SKAP1: variants seen among roughly 807,000 people sequenced by gnomAD.
The protein encoded by SKAP1 is src kinase-associated phosphoprotein 1.
A neutral mutation model predicts 58.5 loss-of-function variants in SKAP1; 44 were observed. The ratio of observed to expected loss-of-function variants is 0.75; its 90% CI spans 0.59 to 0.97. The LOEUF (loss-of-function observed/expected upper bound fraction) is 0.97. Ranked by LOEUF, SKAP1 falls within the 50% of genes least tolerant of loss-of-function variation. SKAP1 has a pLI of 0.00. For missense variants in SKAP1, 390 were observed against 435.2 expected (o/e 0.90, Z 0.92); for synonymous variants, 127 against 149.7 (o/e 0.85, Z 1.11).
At chr17:48,249,437 C>T (rs185376346) in intron 4 of SKAP1, among the ~76,000 whole-genome samples, 5 of 152,228 alleles carry the variant, frequency 3.3e-5, no homozygotes, top group Admixed American at 1.3e-4. Context: ...ACTTTGGGAG[C>T]TGAGGTGGGC....
intron 3 of SKAP1, among the ~76,000 whole-genome samples, chr17:48,352,967 T>C (rs2066821318): frequency 6.6e-6 from 1 of 152,220 alleles, no homozygotes; most frequent in Admixed American, 6.5e-5. Context: ...TTATGGTATA[T>C]ACTATCAATT....
At chr17:48,386,888 T>C (rs2067284768) in intron 2 of SKAP1, among the ~76,000 whole-genome samples, 1 of 152,240 alleles carries the variant, frequency 6.6e-6, no homozygotes, top group Admixed American at 6.5e-5. Context: ...GGCACCTAAA[T>C]ATTCAGTAGA....
intron 3 of SKAP1, among the ~76,000 whole-genome samples, chr17:48,346,815 C>T (rs116624640): frequency 0.012 from 1,875 of 152,076 alleles, 42 homozygotes; most frequent in African/African-American, 0.041. Flanking sequence ...ATAGAGAAAA[C>T]CTAGACTTTG....
chr17:48,233,430 G>A (rs1373437353), intron 4 of SKAP1, among the ~76,000 whole-genome samples: 2 of 151,842 alleles, frequency 1.3e-5, no homozygotes, highest in African/African-American at 4.8e-5. Context: ...TTTGGCAAAG[G>A]TTTGGTGATG....
intron 4 of SKAP1, among the ~76,000 whole-genome samples, chr17:48,340,494 A>C (rs1193773554): frequency 6.6e-6 from 1 of 152,194 alleles, no homozygotes; most frequent in Admixed American, 6.5e-5. Context: ...AAAGAGTAAG[A>C]GTGTAATCAA....
At chr17:48,349,443 C>T (rs1799244795) in intron 3 of SKAP1, among the ~76,000 whole-genome samples, 1 of 152,232 alleles carries the variant, frequency 6.6e-6, no homozygotes, top group African/African-American at 2.4e-5. Context: ...CCCACTGCAA[C>T]TCCCTCAGAA....
At chr17:48,325,992 T>C (rs911554612) in intron 4 of SKAP1, among the ~76,000 whole-genome samples, 1 of 152,242 alleles carries the variant, frequency 6.6e-6, no homozygotes, top group Non-Finnish European at 1.5e-5. Flanking sequence ...AAACACACTT[T>C]GTATTGTCAA....
chr17:48,444,429 G>C, the SKAP1 span, among the ~76,000 whole-genome samples: 1 of 152,280 alleles, frequency 6.6e-6, no homozygotes, highest in South Asian at 2.1e-4. Context: ...ATCAAAATGA[G>C]GAAAGTTAGC....
intron 4 of SKAP1, among the ~76,000 whole-genome samples, chr17:48,192,671 C>A (rs1184871924): frequency 6.6e-6 from 1 of 152,222 alleles, no homozygotes; most frequent in East Asian, 1.9e-4. Flanking sequence ...ATTGAATTAC[C>A]CAGGGGGGAG....
chr17:48,208,251 C>G (rs1471680421), intron 4 of SKAP1, among the ~76,000 whole-genome samples: 1 of 152,152 alleles, frequency 6.6e-6, no homozygotes, highest in Non-Finnish European at 1.5e-5. Context: ...AGGCTGTGCT[C>G]TCTTACCTCT....
chr17:48,174,985 G>A (rs564875373), intron 9 of SKAP1, among the ~76,000 whole-genome samples: 6 of 152,254 alleles, frequency 3.9e-5, no homozygotes, highest in African/African-American at 7.2e-5. Context: ...AGAGAACCAT[G>A]GGGCATCACA....
rs538411318 is a variant in SKAP1, at chr17:48,142,371, A to G, written c.979-5034T>C. Among the ~76,000 whole-genome samples, 6 of 152,296 alleles carry G rather than the reference A, an allele frequency of 3.9e-5. No homozygotes were observed. In the East Asian group the frequency reaches 9.6e-4, roughly 24 times the overall value. On this transcript the variant is annotated intron_variant, in intron 11 of 12. Transcript: ENST00000336915. ...CAGCTACTCGGGAAGCTGAGGCAGG[A>G]GAATTGCTTGAACCCGGGAGGCGGA...
At chr17:48,339,309 T>C (rs925410752) in intron 4 of SKAP1, among the ~76,000 whole-genome samples, 1 of 152,212 alleles carries the variant, frequency 6.6e-6, no homozygotes, top group Non-Finnish European at 1.5e-5. Context: ...CTTGAATATA[T>C]GTATGTATGC....
At chr17:48,226,674 T>C (rs1351737678) in intron 4 of SKAP1, among the ~76,000 whole-genome samples, 1 of 152,194 alleles carries the variant, frequency 6.6e-6, no homozygotes, top group African/African-American at 2.4e-5. Context: ...GCTAACAAGC[T>C]TACTGTGCAT....
intron 1 of SKAP1, among the ~76,000 whole-genome samples, chr17:48,421,386 C>T (rs1477698838): frequency 1.3e-5 from 2 of 151,114 alleles, no homozygotes; most frequent in Non-Finnish European, 2.9e-5. Context: ...TCACTGCAAC[C>T]TCTGCCTCCC....
intron 4 of SKAP1, among the ~76,000 whole-genome samples, chr17:48,243,581 C>G (rs2065264106): frequency 6.6e-6 from 1 of 152,072 alleles, no homozygotes; most frequent in Admixed American, 6.5e-5. Flanking sequence ...CTTAAAGTCC[C>G]TGATTTACAT....
At chr17:48,433,509 C>A (rs552904147), upstream of SKAP1, among the ~76,000 whole-genome samples, 139 of 152,286 alleles carry the variant, frequency 9.1e-4, 4 homozygotes, top group Non-Finnish European at 5.1e-4. Context: ...TTCCCGTCCC[C>A]CCCAGACCCA....
At chr17:48,186,002 C>A (rs1189628409) in intron 6 of SKAP1, 1 of 152,004 alleles carries the variant, frequency 6.6e-6, no homozygotes, top group Non-Finnish European at 1.5e-5. Context: ...TCTTGCTCTC[C>A]CTGCTCCTCT....
At chr17:48,366,844 G>A (rs1253086907) in intron 2 of SKAP1, among the ~76,000 whole-genome samples, 2 of 152,002 alleles carry the variant, frequency 1.3e-5, no homozygotes, top group Non-Finnish European at 2.9e-5. Context: ...GTGCATACAT[G>A]TATGTGCACA....
Sources: gnomAD v4.1 joint callset for allele counts (sites outside exome capture counted in the v4.1 genomes callset) on GRCh38, gnomAD v4.1.1 for gene constraint, MANE v1.5 for transcripts, NCBI Gene and HGNC (gene_info 2026-07-23, HGNC 2026-07-21) for gene names.